The following FTO variants were observed in gnomAD, a reference collection of about 807,000 sequenced individuals.
FTO encodes alpha-ketoglutarate-dependent dioxygenase FTO.
FTO carries 47 observed loss-of-function variants against 63.9 expected under a neutral mutation model. The observed-to-expected ratio is 0.74, with a 90% CI of 0.58 to 0.94. The LOEUF (loss-of-function observed/expected upper bound fraction) is 0.94. FTO is among the 40% of genes least tolerant of loss of function. The pLI is 0.00. For missense variants in FTO, 562 were observed against 618.1 expected, an observed-to-expected ratio of 0.91 and a Z score of 0.96; for synonymous variants, 207 against 224.4, an observed-to-expected ratio of 0.92 and a Z score of 0.69.
intron 1 of FTO, among the ~76,000 whole-genome samples, chr16:53,764,844 C>T (rs879551453): frequency 3.3e-5 from 5 of 152,080 alleles, no homozygotes; most frequent in South Asian, 2.1e-4. Context: ...CTCAGCCTCC[C>T]GAATAGCTGG....
At chr16:53,999,118 G>A (rs1269480189) in intron 8 of FTO, among the ~76,000 whole-genome samples, 2 of 152,214 alleles carry the variant, frequency 1.3e-5, no homozygotes, top group African/African-American at 2.4e-5. Context: ...GAGCACCCAA[G>A]TAAGTGAAGG....
At chr16:53,892,096 T>C (rs2081163804) in intron 7 of FTO, among the ~76,000 whole-genome samples, 2 of 152,182 alleles carry the variant, frequency 1.3e-5, no homozygotes, top group South Asian at 2.1e-4. Flanking sequence ...TTCTTTTTTC[T>C]ATTGGACAAG....
intron 1 of FTO, among the ~76,000 whole-genome samples, chr16:53,778,858 A>AT (rs71863246): frequency 0.11 from 16,366 of 143,964 alleles, 969 homozygotes; most frequent in Middle Eastern, 0.24. Context: ...GTGATTGTGG[A>AT]TTTTTTTTTT....
intron 1 of FTO, among the ~76,000 whole-genome samples, chr16:53,759,441 C>T (rs1414545422): frequency 6.6e-6 from 1 of 152,030 alleles, no homozygotes; most frequent in African/African-American, 2.4e-5. Flanking sequence ...TGCCTGTAAT[C>T]CCAGCACTTT....
At chr16:53,767,785 A>G (rs2077246651) in intron 1 of FTO, among the ~76,000 whole-genome samples, 2 of 152,216 alleles carry the variant, frequency 1.3e-5, no homozygotes, top group African/African-American at 4.8e-5. Flanking sequence ...AATAACAATC[A>G]AGGAATATAT....
At chr16:53,843,794 T>A (rs1223559799) in intron 3 of FTO, among the ~76,000 whole-genome samples, 1 of 151,096 alleles carries the variant, frequency 6.6e-6, no homozygotes, top group African/African-American at 2.4e-5. Context: ...TCTCTTTACA[T>A]CTGTTTTTTA....
chr16:53,780,562 G>C lies in FTO; in HGVS notation c.46-29578G>C, dbSNP rs989570114. ...CGATTTTCCCACCTGTAGAGACGGG[G>C]TTTTGCCATATTGGTCAGGCTGGTC... On this transcript the variant is annotated intron_variant, in intron 1 of 8. Transcript: ENST00000471389. Among the ~76,000 whole-genome samples the C allele has an allele frequency of 7.2e-5, 11 of 152,236 alleles. No homozygotes were observed. In the South Asian group the frequency reaches 2.3e-3, roughly 32 times the overall value.
At chr16:53,843,937 T>C (rs2079545842) in intron 3 of FTO, among the ~76,000 whole-genome samples, 1 of 152,130 alleles carries the variant, frequency 6.6e-6, no homozygotes, top group Non-Finnish European at 1.5e-5. Flanking sequence ...GGCGTGAGCC[T>C]CTACACCTGG....
At chr16:53,779,345 A>C (rs909427924) in intron 1 of FTO, among the ~76,000 whole-genome samples, 2 of 152,148 alleles carry the variant, frequency 1.3e-5, no homozygotes, top group Admixed American at 6.5e-5. Flanking sequence ...ATTCCATCTA[A>C]GTGCCTTACG....
chr16:53,788,602 CAAAAA>C (rs530568312), intron 1 of FTO, among the ~76,000 whole-genome samples: 12 of 100,202 alleles, frequency 1.2e-4, no homozygotes, highest in African/African-American at 1.8e-4. Context: ...GACTCTGTCT[CAAAAA>C]AAAAAAAAAA....
chr16:53,754,027 G>C (rs1014492074), intron 1 of FTO, among the ~76,000 whole-genome samples: 1 of 152,232 alleles, frequency 6.6e-6, no homozygotes, highest in East Asian at 1.9e-4. Flanking sequence ...TAGAGAACGG[G>C]GTTTGGAGGT....
At chr16:54,074,913 AGAGAGTGTGT>A (rs1367269404) in intron 8 of FTO, among the ~76,000 whole-genome samples, 110 of 125,156 alleles carry the variant, frequency 8.8e-4, no homozygotes, top group South Asian at 1.7e-3. Context: ...AGAGAGAGAG[AGAGAGTGTGT>A]GTGTGTGTGT....
intron 8 of FTO, among the ~76,000 whole-genome samples, chr16:54,054,994 A>G (rs1567543140): frequency 6.6e-6 from 1 of 152,188 alleles, no homozygotes; most frequent in Non-Finnish European, 1.5e-5. Context: ...CTCAGGGTGC[A>G]TTATTTACCC....
At chr16:54,037,719 A>G (rs1485936104) in intron 8 of FTO, among the ~76,000 whole-genome samples, 2 of 152,242 alleles carry the variant, frequency 1.3e-5, no homozygotes, top group Non-Finnish European at 2.9e-5. Flanking sequence ...TTAGAAAAAC[A>G]TAGATAGTAT....
At position 53,782,452 on chromosome 16, in the gene FTO, G is replaced by A. The variant is rs536495714; in HGVS notation, c.46-27688G>A. Among the ~76,000 whole-genome samples, 118 of 152,308 alleles carry A rather than the reference G, an allele frequency of 7.7e-4. 1 individual carries two copies. The highest frequency in any genetic ancestry group is 2.6e-3 in the Admixed American group (40 of 15,296). On this transcript the variant is annotated intron_variant, in intron 1 of 8. Transcript: ENST00000471389. ...AAAATTTTTCAGTTTATGATAATGTGTAAATGTCGAGAGCCAATTATTGAG... is the reference window on the plus strand; with the variant it reads ...AAAATTTTTCAGTTTATGATAATGTATAAATGTCGAGAGCCAATTATTGAG...
chr16:53,988,312 C>G (rs532186659), intron 8 of FTO, among the ~76,000 whole-genome samples: 109 of 152,204 alleles, frequency 7.2e-4, no homozygotes, highest in African/African-American at 2.6e-3. Context: ...ACTTAATGTA[C>G]TTTGAAATTG....
intron 8 of FTO, among the ~76,000 whole-genome samples, chr16:54,036,926 C>T (rs573002539): frequency 1.1e-4 from 16 of 152,128 alleles, no homozygotes; most frequent in African/African-American, 3.6e-4. Flanking sequence ...TCATTGAACC[C>T]GATCTCAGGA....
chr16:53,935,265 T>A (rs577059517), intron 8 of FTO, among the ~76,000 whole-genome samples: 1 of 152,322 alleles, frequency 6.6e-6, no homozygotes, highest in Admixed American at 6.5e-5. Flanking sequence ...AGACATAATA[T>A]TCTCCAAATG....
chr16:53,824,112 C>T (rs11075996), intron 2 of FTO, among the ~76,000 whole-genome samples: 57,844 of 152,020 alleles, frequency 0.38, 11,440 homozygotes, highest in Middle Eastern at 0.51. Context: ...TAACTAAGAG[C>T]GATTGTATAA....
Sources: gnomAD v4.1 joint callset for allele counts (sites outside exome capture counted in the v4.1 genomes callset) on GRCh38, gnomAD v4.1.1 for gene constraint, MANE v1.5 for transcripts, NCBI Gene and HGNC (gene_info 2026-07-23, HGNC 2026-07-21) for gene names.